Variants in TOPORS observed in about 807,000 individuals in gnomAD.
The protein encoded by TOPORS is TOP1 binding arginine/serine rich protein, E3 ubiquitin ligase.
A neutral mutation model predicts 81.4 loss-of-function variants in TOPORS; 25 were observed. The ratio of observed to expected loss-of-function variants is 0.31; its 90% CI spans 0.22 to 0.43. The LOEUF (loss-of-function observed/expected upper bound fraction) is 0.43. TOPORS is among the 20% of genes least tolerant of loss of function. The pLI, the probability that TOPORS is intolerant of heterozygous loss-of-function variation, is 1.00. For synonymous variants in TOPORS, 473 were observed against 456.6 expected (o/e 1.04, Z -0.46); for missense variants, 1,101 against 1,267.0 (o/e 0.87, Z 1.99).
chr9:32,550,625 C>T, intron 2 of TOPORS, 149 bp downstream of exon 2: 1 of 839,928 alleles, frequency 1.2e-6, no homozygotes, highest in South Asian at 1.8e-5. Context: ...AGGAGCCGCT[C>T]GGGGGCCCTG....
Position 32,541,204 on chromosome 9 carries a change from G to T in TOPORS, c.*183C>A. 1 of 599,382 alleles carries T rather than the reference G, an allele frequency of 1.7e-6. No homozygotes were observed. Among genetic ancestry groups the T allele is most frequent in the Admixed American group, 3.0e-5 (1 of 33,734 alleles). The allele number at this position is 599,382 out of a possible 1,614,324, so 37.1% of individuals were successfully genotyped here. A position where few individuals can be genotyped will look rare whatever the true frequency, so the allele number is the denominator to read the frequency against. On this transcript the variant is annotated 3_prime_UTR_variant, in exon 3 of 3. Coordinates refer to ENST00000360538, the MANE Select transcript of TOPORS (RefSeq NM_005802.5). ...TTAAAAGTGCATATCTTTGAGGGTG[G>T]GACATACATTTTGAACAAATAATGA...
rs774413562 is a variant in TOPORS, at chr9:32,541,550, A to G, written c.2975T>C (p.Val992Ala). ...VDNIPPLAAS[V>A]EQTLDVREES... Reference sequence around the variant, plus strand: ...TTCTCTTACATCGAGAGTTTGTTCAACTGAAGCTGCCAGAGGTGGAATATT... The same window carrying G: ...TTCTCTTACATCGAGAGTTTGTTCAGCTGAAGCTGCCAGAGGTGGAATATT... The change falls in exon 3 of 3, where the codon GTT (valine) becomes GCT (alanine). Residue 992 changes from valine to alanine, a missense_variant. Val to Ala is a moderately conservative substitution (Grantham distance 64). This residue lies in a region of TOPORS where 605 missense variants were observed against 636.1 expected (regional missense o/e 0.95). Coordinates refer to ENST00000360538, the MANE Select transcript of TOPORS (RefSeq NM_005802.5). 4 of 1,614,214 alleles carry G rather than the reference A, an allele frequency of 2.5e-6. No individual in the cohort carries two copies. The highest frequency in any genetic ancestry group is 2.5e-6 in the Non-Finnish European group (3 of 1,180,028).
At position 32,543,158 on chromosome 9, in the gene TOPORS, G is replaced by A. The variant is rs1454566664; in HGVS notation, c.1367C>T (p.Ser456Phe). ...DEELVTGGAT[S>F]QIQGVQTNDD... ...ATTGGTTTGTACTCCTTGTATCTGA[G>A]ACGTGGCTCCTCCTGTGACAAGTTC... The change falls in exon 3 of 3, where the codon TCT becomes TTT. Residue 456 changes from serine to phenylalanine, a missense_variant. Transcript: ENST00000360538. The surrounding 1 kb of genome is among the most constrained non-coding windows in gnomAD (Gnocchi z 5.6). 1.2e-6 allele frequency: 2 copies of A among 1,613,982 alleles called. No individual in the cohort carries two copies. The highest frequency in any genetic ancestry group is 1.7e-5 in the Admixed American group (1 of 60,024).
rs763251504 is a variant in TOPORS, at chr9:32,544,045, C to T, written c.480G>A (p.Glu160=). The T allele has an allele frequency of 3.0e-5, 49 of 1,614,072 alleles. No homozygotes were observed. Among genetic ancestry groups the T allele is most frequent in the Non-Finnish European group, 5.1e-6 (6 of 1,180,030 alleles). ...CATTATACGAAGGCCTTAGGACATA[C>T]TCCTTGAAGTCATCTTCTGCCCTCA... ...HSVRAEDDFK[E]YVLRPSYNGS... is the part of the protein sequence containing the mutation. Residue 160 remains glutamate (E), a synonymous_variant, in exon 3 of 3, where the codon GAG becomes GAA. Transcript: ENST00000360538.
rs779481626 is a variant in TOPORS, at chr9:32,542,571, T to C, written c.1954A>G (p.Ser652Gly). 1.9e-6 allele frequency: 3 copies of C among 1,614,122 alleles called. No individual in the cohort carries two copies. The highest frequency in any genetic ancestry group is 1.7e-6 in the Non-Finnish European group (2 of 1,180,024). ...DKKRSRTRDS[S>G]WSRRSQTLSL... ...AGAGTTTGGCTTCTTCTGGACCAAC[T>C]GCTATCTCTAGTTCTTGATCTCTTT... is the stretch of plus-strand genomic sequence containing the variant. The change falls in exon 3 of 3, where the codon AGT becomes GGT. Residue 652 changes from serine to glycine, a missense_variant. Physicochemically the swap from Ser to Gly is moderately conservative, Grantham distance 56. Coordinates refer to ENST00000360538, the MANE Select transcript of TOPORS (RefSeq NM_005802.5).
rs201977387 is a variant in TOPORS at position 32,540,649 on chromosome 9, ATAAAG to A, written c.*733_*737del. The A allele has an allele frequency of 0.014, 2,180 of 152,784 alleles. 24 individuals are homozygous for A. The highest frequency in any genetic ancestry group is 0.02 in the Non-Finnish European group (1,381 of 68,036). The allele number at this position is 152,784 out of a possible 1,614,324, so 9.5% of individuals were successfully genotyped here. A position where few individuals can be genotyped will look rare whatever the true frequency, so the allele number is the denominator to read the frequency against. On this transcript the variant is annotated 3_prime_UTR_variant, in exon 3 of 3. Transcript: ENST00000360538. ...AAAATCAAAGAAAATAATTAAAACTATAAAGTATTTGTTCACCTGAAGTTCAGTAT... is the reference window on the plus strand; with the variant it reads ...AAAATCAAAGAAAATAATTAAAACTATATTTGTTCACCTGAAGTTCAGTAT...
In TOPORS at chr9:32,542,276, G is replaced by A; in HGVS notation, c.2249C>T (p.Ala750Val). The change falls in exon 3 of 3, where the codon GCT (alanine) becomes GTT (valine). Residue 750 changes from alanine (A) to valine (V), a missense_variant. By Grantham distance (64) the Ala-to-Val change is moderately conservative. This residue lies in a region of TOPORS where 605 missense variants were observed against 636.1 expected (regional missense o/e 0.95). Coordinates refer to ENST00000360538, the MANE Select transcript of TOPORS (RefSeq NM_005802.5). ...RVQSFSERTN[A>V]RKKNNHSERK... ...CTCACTGTGATTATTTTTTTTCCTA[G>A]CATTTGTTCTTTCAGAAAAGGACTG... is the stretch of plus-strand genomic sequence containing the variant. 6.2e-7 allele frequency: 1 copy of A among 1,613,784 alleles called. No individual in the cohort carries two copies. Among genetic ancestry groups the A allele is most frequent in the East Asian group, 2.2e-5 (1 of 44,850 alleles).
intron 1 of TOPORS, 199 bp from the exon 2 acceptor site, chr9:32,551,167 A>C: frequency 1.5e-6 from 1 of 660,492 alleles, no homozygotes; most frequent in Non-Finnish European, 2.7e-6. Flanking sequence ...ACCCCGGAGG[A>C]GGGCAGCGCG....
chr9:32,542,229 T>C lies in TOPORS; in HGVS notation c.2296A>G (p.Arg766Gly). 1 of 1,614,224 alleles carries C rather than the reference T, an allele frequency of 6.2e-7. No homozygotes were observed. Among genetic ancestry groups the C allele is most frequent in the Non-Finnish European group, 8.5e-7 (1 of 1,180,040 alleles). ...HSERKYYYYE[R>G]HRSRSLSSNR... ...CTAGACAGGCTCCTTGATCTGTGCC[T>C]TTCATAGTAGTAATACTTCCTCTCA... The change falls in exon 3 of 3, where the codon AGG becomes GGG. Residue 766 changes from arginine to glycine, a missense_variant. By Grantham distance (125) the Arg-to-Gly change is moderately radical. Coordinates refer to ENST00000360538, the MANE Select transcript of TOPORS (RefSeq NM_005802.5).
Position 32,541,203 on chromosome 9 carries a change from GGGA to G in TOPORS, c.*181_*183del, listed in dbSNP as rs1821050869. ...CTTAAAAGTGCATATCTTTGAGGGT[GGGA>G]CATACATTTTGAACAAATAATGATT... is the stretch of plus-strand genomic sequence containing the variant. On this transcript the variant is annotated 3_prime_UTR_variant, in exon 3 of 3. Transcript: ENST00000360538. 8.4e-6 allele frequency: 5 copies of G among 596,794 alleles called. No homozygotes were observed. In the Admixed American group the frequency reaches 1.5e-4, roughly 18 times the overall value. The allele number at this position is 596,794 out of a possible 1,614,324, so 37.0% of individuals were successfully genotyped here.
chr9:32,551,759 T>G (rs1372884888), intron 1 of TOPORS: 4 of 447,610 alleles, frequency 8.9e-6, no homozygotes, highest in Non-Finnish European at 1.8e-5. Flanking sequence ...TTCAAGAACA[T>G]CAGACACGCT....
rs757403604 is a variant in TOPORS, at chr9:32,542,711, T to G, written c.1814A>C (p.Gln605Pro). Residue 605 changes from glutamine to proline, a missense_variant, in exon 3 of 3, where the codon CAG (glutamine) becomes CCG (proline). Gln to Pro is a moderately conservative substitution (Grantham distance 76). Transcript: ENST00000360538. ...GRSRSSDSRSQSRSGHDQKNH... is the reference protein window; with the variant it reads ...GRSRSSDSRSPSRSGHDQKNH... ...CTTCTGATCATGCCCACTTCTACTC[T>G]GAGAACGTGAATCTGAACTTCTTGA... 12 of 1,613,960 alleles carry G rather than the reference T, an allele frequency of 7.4e-6. No individual in the cohort carries two copies. The Middle Eastern group carries it at 4.9e-4, about 66-fold the overall frequency.
At chr9:32,546,889 C>T (rs1167552892) in intron 2 of TOPORS, among the ~76,000 whole-genome samples, 2 of 152,080 alleles carry the variant, frequency 1.3e-5, no homozygotes, top group East Asian at 1.9e-4. Flanking sequence ...AAAGAATAAT[C>T]TTAGCCGGGC....
At chr9:32,551,037 G>A (rs1461658247) in intron 1 of TOPORS, 69 bp from the exon 2 acceptor site, 1 of 1,547,984 alleles carries the variant, frequency 6.5e-7, no homozygotes, top group Non-Finnish European at 8.8e-7. Flanking sequence ...CCACCCCCCA[G>A]CTCCCGCGCA....
In TOPORS at chr9:32,550,852, G is replaced by A. The variant is rs1821230706; in HGVS notation, c.120C>T (p.Cys40=). The change falls in exon 2 of 3, where the codon TGC becomes TGT. Residue 40 remains cysteine (C), a synonymous_variant. Transcript: ENST00000360538. ...RSRRVRLRGS[C]RHRPSFLGCR... ...AGCCCAGAAAGCTAGGTCGGTGTCG[G>A]CAGGATCCGCGAAGGCGTACCCGGC... The A allele has an allele frequency of 6.2e-7, 1 of 1,612,884 alleles. No homozygotes were observed.
At chr9:32,551,196 C>G (rs986481525) in intron 1 of TOPORS, 2 of 616,674 alleles carry the variant, frequency 3.2e-6, no homozygotes, top group Admixed American at 2.7e-5. Context: ...CATCTTGTTA[C>G]TGGTACTCAG....
At chr9:32,546,811 T>C (rs191726762) in intron 2 of TOPORS, among the ~76,000 whole-genome samples, 1 of 152,322 alleles carries the variant, frequency 6.6e-6, no homozygotes, top group Non-Finnish European at 1.5e-5. Flanking sequence ...ATGTCCTCCA[T>C]AACAGGTTAA....
chr9:32,543,889 C>T lies in TOPORS; in HGVS notation c.636G>A (p.Leu212=). ...TTGTTGAAATGCCTAACCCTTCAAA[C>T]AGTACTCCACTATCCGGTGGAGTTG... is the stretch of plus-strand genomic sequence containing the variant. The part of the protein sequence containing the change: ...RTTTPPDSGV[L]FEGLGISTRP... The change falls in exon 3 of 3, where the codon CTG becomes CTA. Residue 212 remains leucine, a synonymous_variant. Coordinates refer to ENST00000360538, the MANE Select transcript of TOPORS (RefSeq NM_005802.5). The surrounding 1 kb of genome is among the most constrained non-coding windows in gnomAD (Gnocchi z 5.6). 6.2e-7 allele frequency: 1 copy of T among 1,614,194 alleles called. No individual in the cohort carries two copies. The highest frequency in any genetic ancestry group is 1.1e-5 in the South Asian group (1 of 91,086).
In TOPORS at chr9:32,550,868, C is replaced by A. The variant is rs1458485995; in HGVS notation, c.104G>T (p.Arg35Leu). ...TCGGTGTCGGCAGGATCCGCGAAGG[C>A]GTACCCGGCGACTTCTCCGCCTACC... is the stretch of plus-strand genomic sequence containing the variant. ...SEGRRRSRRV[R>L]LRGSCRHRPS... The change falls in exon 2 of 3, where the codon CGC becomes CTC. Residue 35 changes from arginine to leucine, a missense_variant. Arg to Leu is a moderately radical substitution (Grantham distance 102). Around this residue, in one of 9 missense-constraint regions of TOPORS, gnomAD observed 131 missense variants for 101.0 expected, o/e 1.30. Coordinates refer to ENST00000360538, the MANE Select transcript of TOPORS (RefSeq NM_005802.5). The A allele has an allele frequency of 1.9e-6, 3 of 1,612,926 alleles. No individual in the cohort carries two copies. Among genetic ancestry groups the A allele is most frequent in the Admixed American group, 1.7e-5 (1 of 59,990 alleles).
Sources: gnomAD v4.1 joint callset for allele counts (sites outside exome capture counted in the v4.1 genomes callset) on GRCh38, gnomAD v4.1.1 for gene constraint, gnomAD v4.1.1 regional missense constraint, Gnocchi (gnomAD v3.1) non-coding constraint, MANE v1.5 for transcripts, NCBI Gene and HGNC (gene_info 2026-07-23, HGNC 2026-07-21) for gene names.